The following FBXO34 variants were observed in gnomAD, a reference collection of about 807,000 sequenced individuals.
FBXO34 encodes F-box only protein 34.
FBXO34 carries 12 observed loss-of-function variants against 24.5 expected under a neutral mutation model. The ratio of observed to expected loss-of-function variants is 0.49; its 90% CI spans 0.31 to 0.79. FBXO34 has a LOEUF of 0.79. Among genes scored for constraint, FBXO34 ranks in the 30% least tolerant of loss-of-function variants. FBXO34 has a pLI of 0.04. For missense variants in FBXO34, 823 were observed against 857.7 expected (o/e 0.96, Z 0.51); for synonymous variants, 320 against 311.9 (o/e 1.03, Z -0.27).
At chr14:55,336,379 T>C (rs1883775299) in intron 1 of FBXO34, among the ~76,000 whole-genome samples, 1 of 152,198 alleles carries the variant, frequency 6.6e-6, no homozygotes. Flanking sequence ...TGGGGCTCAG[T>C]TGGGAGGGAC....
chr14:55,307,022 C>A (rs372128850), intron 1 of FBXO34, among the ~76,000 whole-genome samples: 2 of 152,182 alleles, frequency 1.3e-5, no homozygotes, highest in East Asian at 1.9e-4. Context: ...AATATGGTAT[C>A]CACCCATTTC....
chr14:55,402,964 T>TATATAA, the FBXO34 span, among the ~76,000 whole-genome samples: 143 of 59,714 alleles, frequency 2.4e-3, 1 homozygote, highest in Non-Finnish European at 4.1e-3. Context: ...TATATATATA[T>TATATAA]ATATAAATAG....
At chr14:55,371,221 A>G (rs1287224289), downstream of FBXO34, among the ~76,000 whole-genome samples, 1 of 152,218 alleles carries the variant, frequency 6.6e-6, no homozygotes, top group Non-Finnish European at 1.5e-5. Context: ...ATGAGAGCCT[A>G]GAATCGTATA....
chr14:55,324,125 T>C (rs1328041499), intron 1 of FBXO34, among the ~76,000 whole-genome samples: 2 of 150,342 alleles, frequency 1.3e-5, no homozygotes, highest in East Asian at 2.1e-4. Flanking sequence ...AGGCAACAAC[T>C]GTTGTACTTT....
chr14:55,404,101 A>G, the FBXO34 span, among the ~76,000 whole-genome samples: 10,460 of 152,256 alleles, frequency 0.069, 420 homozygotes, highest in South Asian at 0.11. Context: ...CTTGAGGTAG[A>G]TCAGCTCAAG....
chr14:55,396,030 C>G, the FBXO34 span: 1 of 1,430,552 alleles, frequency 7.0e-7, no homozygotes. Context: ...TAATAAAATT[C>G]TGTGAAGTTC....
At chr14:55,319,078 G>A (rs963011673) in intron 1 of FBXO34, among the ~76,000 whole-genome samples, 1 of 152,176 alleles carries the variant, frequency 6.6e-6, no homozygotes, top group Non-Finnish European at 1.5e-5. Flanking sequence ...GGAAATTTAA[G>A]TAGGAAAATT....
the FBXO34 span, among the ~76,000 whole-genome samples, chr14:55,381,457 C>A: frequency 2.0e-5 from 3 of 152,054 alleles, no homozygotes; most frequent in African/African-American, 7.2e-5. Context: ...ATAAACAAGA[C>A]AATATTAACC....
chr14:55,433,309 C>CTTTTTT, the FBXO34 span, among the ~76,000 whole-genome samples: 126 of 119,884 alleles, frequency 1.1e-3, 2 homozygotes, highest in African/African-American at 4.1e-3. Context: ...TTAGATTTCT[C>CTTTTTT]TTTTTTTTTT....
chr14:55,398,143 G>A, the FBXO34 span, among the ~76,000 whole-genome samples: 1 of 151,894 alleles, frequency 6.6e-6, no homozygotes, highest in Admixed American at 6.6e-5. Flanking sequence ...AGTAGAGACG[G>A]GGTTTCACTG....
At position 55,352,531 on chromosome 14, in the gene FBXO34, C is replaced by G. The variant is rs1478821886; in HGVS notation, c.*5C>G. The G allele has an allele frequency of 6.3e-7, 1 of 1,584,390 alleles. No individual in the cohort carries two copies. Among genetic ancestry groups the G allele is most frequent in the Non-Finnish European group, 8.6e-7 (1 of 1,166,674 alleles). On this transcript the variant is annotated 3_prime_UTR_variant, in exon 2 of 2. Transcript: ENST00000313833. ...GAAGCTGAAGAGGAATACTAAAGTC[C>G]ATGTGAGAGGCAACAAAAGGACCGG...
At chr14:55,302,453 GTTTT>G (rs796083398) in intron 1 of FBXO34, among the ~76,000 whole-genome samples, 1 of 133,462 alleles carries the variant, frequency 7.5e-6, no homozygotes, top group African/African-American at 2.8e-5. Context: ...CCTCTTTTTT[GTTTT>G]TTTTTTTTTT....
downstream of FBXO34, chr14:55,369,005 G>GGAAA (rs908300536): frequency 3.9e-5 from 6 of 152,422 alleles, no homozygotes; most frequent in African/African-American, 1.4e-4. Flanking sequence ...GGTGTGTGGG[G>GGAAA]GAAAGAAAAA....
chr14:55,282,253 A>G (rs888098097), intron 1 of FBXO34: 10 of 331,082 alleles, frequency 3.0e-5, no homozygotes, highest in Non-Finnish European at 6.2e-5. Context: ...TCAGCCTCCC[A>G]AAGTGCTGGG....
the FBXO34 span, among the ~76,000 whole-genome samples, chr14:55,386,697 A>G: frequency 2.0e-5 from 3 of 152,216 alleles, no homozygotes; most frequent in Non-Finnish European, 4.4e-5. Flanking sequence ...CAAGGGAAAC[A>G]AAAGCCTGGC....
chr14:55,289,045 T>G (rs1183368708), intron 1 of FBXO34, among the ~76,000 whole-genome samples: 1 of 152,066 alleles, frequency 6.6e-6, no homozygotes, highest in Admixed American at 6.6e-5. Flanking sequence ...AGCGAGACTC[T>G]GTCTCAAAAA....
At chr14:55,374,313 C>T (rs1470698103), downstream of FBXO34, among the ~76,000 whole-genome samples, 1 of 152,144 alleles carries the variant, frequency 6.6e-6, no homozygotes, top group African/African-American at 2.4e-5. Context: ...GCCTCCAACT[C>T]CTGAGCTCAA....
intron 1 of FBXO34, among the ~76,000 whole-genome samples, chr14:55,329,403 C>G (rs1309579064): frequency 6.6e-6 from 1 of 152,134 alleles, no homozygotes; most frequent in East Asian, 1.9e-4. Flanking sequence ...GTCAAGGAAA[C>G]TAGTTCAGGC....
intron 1 of FBXO34, among the ~76,000 whole-genome samples, chr14:55,336,893 C>T (rs907696449): frequency 2.0e-5 from 3 of 150,050 alleles, no homozygotes; most frequent in Non-Finnish European, 4.4e-5. Flanking sequence ...CACACACACA[C>T]ATATATACTA....
Sources: allele counts gnomAD v4.1 joint callset (sites outside exome capture counted in the v4.1 genomes callset), GRCh38; gene constraint gnomAD v4.1.1; transcripts MANE v1.5; gene names NCBI Gene and HGNC (gene_info 2026-07-23, HGNC 2026-07-21).